The following VPS50 variants were observed in gnomAD, a reference collection of about 807,000 sequenced individuals.
The protein encoded by VPS50 is VPS50 subunit of EARP/GARPII complex, also known as syndetin.
A neutral mutation model predicts 139.7 loss-of-function variants in VPS50; 70 were observed. The observed-to-expected ratio is 0.50, with a 90% CI of 0.41 to 0.61. VPS50 has a LOEUF of 0.61. Ranked by LOEUF, VPS50 falls within the 20% of genes least tolerant of loss-of-function variation. The probability of loss-of-function intolerance (pLI) is 0.00; values close to 1 mark genes in which losing one functional copy is unlikely to be tolerated. For synonymous variants in VPS50, 365 were observed against 376.7 expected (o/e 0.97, Z 0.36); for missense variants, 921 against 1,133.7 (o/e 0.81, Z 2.69).
At chr7:93,272,138 T>C (rs1488059223) in intron 10 of VPS50, among the ~76,000 whole-genome samples, 1 of 151,788 alleles carries the variant, frequency 6.6e-6, no homozygotes, top group East Asian at 1.9e-4. Context: ...AGTAAAATCA[T>C]TGAAAAAGAA....
At chr7:93,278,188 TCTGTG>T (rs1796214929) in intron 12 of VPS50, among the ~76,000 whole-genome samples, 1 of 152,198 alleles carries the variant, frequency 6.6e-6, no homozygotes, top group Admixed American at 6.5e-5. Context: ...AGAAAGCCCC[TCTGTG>T]CATTTATATA....
chr7:93,288,910 C>T (rs1796569356), intron 12 of VPS50, among the ~76,000 whole-genome samples: 1 of 152,072 alleles, frequency 6.6e-6, no homozygotes, highest in African/African-American at 2.4e-5. Context: ...GGTTAGTCTC[C>T]TACCCTCTCA....
chr7:93,267,029 T>G (rs1290516543), intron 9 of VPS50, among the ~76,000 whole-genome samples: 1 of 152,200 alleles, frequency 6.6e-6, no homozygotes, highest in Non-Finnish European at 1.5e-5. Context: ...TACTTACCTT[T>G]AATAACAGCC....
Position 93,350,030 on chromosome 7 carries a change from A to T in VPS50, c.2460A>T (p.Leu820Phe), listed in dbSNP as rs1177355220. 1 of 1,610,364 alleles carries T rather than the reference A, an allele frequency of 6.2e-7. No homozygotes were observed. Among genetic ancestry groups the T allele is most frequent in the South Asian group, 1.1e-5 (1 of 90,546 alleles). ...SQHNIYVDAL[L>F]KEFEQFNRRL... ...ACAACATATATGTAGATGCACTATT[A>T]AAGGCAAGTGTTCTGGGAAGCACCT... Residue 820 changes from leucine (L) to phenylalanine (F), a missense_variant, in exon 25 of 28, where the codon TTA becomes TTT. Physicochemically the swap from Leu to Phe is conservative, Grantham distance 22. Around this residue, in one of 3 missense-constraint regions of VPS50, gnomAD observed 19 missense variants for 46.8 expected, o/e 0.41. Coordinates refer to ENST00000305866, the MANE Select transcript of VPS50 (RefSeq NM_017667.4).
rs765370700 is a variant in VPS50 at position 93,258,141 on chromosome 7, T to C, written c.423-18T>C. 55 of 1,050,356 alleles carry C rather than the reference T, an allele frequency of 5.2e-5. 1 individual carries two copies. In the South Asian group the frequency reaches 6.3e-4, roughly 12 times the overall value. 65.1% of individuals were successfully genotyped at this position (1,050,356 alleles called of 1,614,324 possible). ...TTATAATAAAAAACTTTTAACTATT[T>C]ATTGTTCACTTTTGCAGACACTTGA... On this transcript the variant is annotated intron_variant, in intron 6 of 27. Transcript: ENST00000305866.
intron 2 of VPS50, among the ~76,000 whole-genome samples, chr7:93,250,274 T>C (rs538909814): frequency 6.6e-6 from 1 of 152,314 alleles, no homozygotes; most frequent in East Asian, 1.9e-4. Flanking sequence ...TAGGGAATAA[T>C]TTTATAGTTA....
chr7:93,315,011 T>C (rs190592948), intron 20 of VPS50, among the ~76,000 whole-genome samples: 229 of 152,308 alleles, frequency 1.5e-3, no homozygotes, highest in East Asian at 9.6e-3. Flanking sequence ...GCAAGTCTCC[T>C]TCCTCAGACA....
intron 1 of VPS50, among the ~76,000 whole-genome samples, chr7:93,237,738 G>A (rs1794857999): frequency 6.6e-6 from 1 of 152,216 alleles, no homozygotes; most frequent in African/African-American, 2.4e-5. Flanking sequence ...CACTTATAAT[G>A]GGTTTAAAAA....
intron 3 of VPS50, among the ~76,000 whole-genome samples, chr7:93,253,536 T>C (rs547130569): frequency 6.6e-6 from 1 of 152,318 alleles, no homozygotes; most frequent in South Asian, 2.1e-4. Flanking sequence ...CATTCTCCTG[T>C]CACAGGCCGT....
chr7:93,250,681 A>G (rs1013848120), intron 2 of VPS50, among the ~76,000 whole-genome samples: 1 of 152,212 alleles, frequency 6.6e-6, no homozygotes, highest in Non-Finnish European at 1.5e-5. Context: ...AACAAAAACC[A>G]AAATAGACAA....
chr7:93,246,933 A>G (rs893487802), intron 2 of VPS50, among the ~76,000 whole-genome samples: 1 of 152,074 alleles, frequency 6.6e-6, no homozygotes, highest in African/African-American at 2.4e-5. Flanking sequence ...CCCAATTCCC[A>G]TAATACCTTT....
rs563123939 is a variant in VPS50, at chr7:93,338,553, T to A, written c.2059-2874T>A. Among the ~76,000 whole-genome samples, 42 of 152,248 alleles carry A rather than the reference T, an allele frequency of 2.8e-4. 1 individual carries two copies. Among genetic ancestry groups the A allele is most frequent in the African/African-American group, 1.0e-3 (42 of 41,558 alleles). On this transcript the variant is annotated intron_variant, in intron 22 of 27. Transcript: ENST00000305866. ...ATGGTGCCAAGCACTGTTCTAGGAA[T>A]TAAGAATACAATTGTAGGGGAAGGT...
At chr7:93,335,221 A>C (rs1403413780) in intron 22 of VPS50, among the ~76,000 whole-genome samples, 1 of 152,214 alleles carries the variant, frequency 6.6e-6, no homozygotes, top group African/African-American at 2.4e-5. Context: ...TACTAAGATG[A>C]AACTGAAGCG....
chr7:93,346,150 G>C (rs1201391938), intron 23 of VPS50, among the ~76,000 whole-genome samples: 1 of 152,144 alleles, frequency 6.6e-6, no homozygotes, highest in East Asian at 1.9e-4. Context: ...TAAAATCAAT[G>C]TACAAAAATC....
intron 10 of VPS50, among the ~76,000 whole-genome samples, chr7:93,271,517 G>A (rs558225264): frequency 6.6e-6 from 1 of 151,778 alleles, no homozygotes; most frequent in Non-Finnish European, 1.5e-5. Flanking sequence ...AGTCATAGGT[G>A]TGTTCTCATA....
chr7:93,251,077 G>T (rs1363589003), intron 2 of VPS50, among the ~76,000 whole-genome samples: 4 of 152,222 alleles, frequency 2.6e-5, no homozygotes, highest in African/African-American at 9.6e-5. Flanking sequence ...TTACACTGTT[G>T]CTGGGAGTGT....
chr7:93,285,030 T>A (rs1485659260), intron 12 of VPS50, among the ~76,000 whole-genome samples: 2 of 152,210 alleles, frequency 1.3e-5, no homozygotes, highest in Non-Finnish European at 2.9e-5. Flanking sequence ...TCCCTGGGCC[T>A]GGTGCTGTTT....
chr7:93,242,480 T>TAA (rs759447480), intron 2 of VPS50, among the ~76,000 whole-genome samples: 4 of 142,096 alleles, frequency 2.8e-5, no homozygotes, highest in African/African-American at 4.9e-5. Context: ...AACTTGGTGA[T>TAA]ATATATATAT....
chr7:93,271,398 G>T, intron 10 of VPS50, 136 bp downstream of exon 10: 2 of 1,295,428 alleles, frequency 1.5e-6, no homozygotes, highest in Middle Eastern at 2.2e-4. Context: ...ATTTTCATTT[G>T]GAATATCTAT....
Sources: gnomAD v4.1 joint callset for allele counts (sites outside exome capture counted in the v4.1 genomes callset) on GRCh38, gnomAD v4.1.1 for gene constraint, gnomAD v4.1.1 regional missense constraint, MANE v1.5 for transcripts, NCBI Gene and HGNC (gene_info 2026-07-23, HGNC 2026-07-21) for gene names.